CDIP1: variants seen among roughly 807,000 people sequenced by gnomAD.
CDIP1 encodes cell death inducing p53 target 1.
Under a neutral mutation model 17.7 loss-of-function variants are expected in CDIP1, and 9 were observed. The observed-to-expected ratio is 0.51, with a 90% CI of 0.31 to 0.89. The LOEUF (loss-of-function observed/expected upper bound fraction) is 0.89, where lower values mean the gene tolerates loss of function less well. Ranked by LOEUF, CDIP1 falls within the 40% of genes least tolerant of loss-of-function variation. The pLI is 0.05. For synonymous variants in CDIP1, 117 were observed against 109.5 expected, an observed-to-expected ratio of 1.07 and a Z score of -0.43; for missense variants, 263 against 277.9, an observed-to-expected ratio of 0.95 and a Z score of 0.38.
At chr16:4,536,044 C>T (rs889590081) in intron 1 of CDIP1, among the ~76,000 whole-genome samples, 3 of 152,220 alleles carry the variant, frequency 2.0e-5, no homozygotes, top group African/African-American at 7.2e-5. Context: ...CCCCATGGAG[C>T]GCCAAGGTCC....
chr16:4,522,079 C>T (rs1204004230), intron 1 of CDIP1, among the ~76,000 whole-genome samples: 1 of 152,196 alleles, frequency 6.6e-6, no homozygotes, highest in Non-Finnish European at 1.5e-5. Context: ...AAGGGGATGC[C>T]TCTACCGGAT....
intron 1 of CDIP1, among the ~76,000 whole-genome samples, chr16:4,516,736 C>T (rs1364097317): frequency 2.9e-5 from 3 of 104,420 alleles, no homozygotes; most frequent in African/African-American, 1.1e-4. Flanking sequence ...GAGACAGAGT[C>T]TTGCTCTGTT....
chr16:4,512,674 C>G lies in CDIP1; in HGVS notation c.525G>C (p.Leu175=). 1 of 1,613,334 alleles carries G rather than the reference C, an allele frequency of 6.2e-7. No individual in the cohort carries two copies. Among genetic ancestry groups the G allele is most frequent in the Non-Finnish European group, 8.5e-7 (1 of 1,179,388 alleles). The change falls in exon 6 of 6, where the codon CTG becomes CTC. Residue 175 remains leucine, a synonymous_variant. Transcript: ENST00000567695. This position sits in a 1 kb window ranked among gnomAD's most constrained non-coding sequence, Gnocchi z 4.6. The part of the protein sequence containing the change: ...GFFCCFMGCD[L]GCCLIPCLIN... ...TGAGGCAGGGGATCAGGCAGCAGCC[C>G]AGATCACATCTGAATCAGAGACAGG...
chr16:4,530,097 C>A (rs186040200), intron 1 of CDIP1, among the ~76,000 whole-genome samples: 1 of 152,186 alleles, frequency 6.6e-6, no homozygotes, highest in Non-Finnish European at 1.5e-5. Context: ...CTCATCCCTG[C>A]GACATTTAGA....
intron 1 of CDIP1, among the ~76,000 whole-genome samples, chr16:4,527,148 C>T (rs1409588766): frequency 1.3e-5 from 2 of 150,570 alleles, no homozygotes; most frequent in Non-Finnish European, 3.0e-5. Context: ...AGTGCAGTGG[C>T]GGGATCTTGG....
At chr16:4,537,915 G>T (rs1440988337) in intron 1 of CDIP1, among the ~76,000 whole-genome samples, 3 of 152,210 alleles carry the variant, frequency 2.0e-5, no homozygotes, top group Admixed American at 2.0e-4. Context: ...GGGGATGCGC[G>T]GCCGAGCGCC....
At chr16:4,516,770 C>T (rs1458316880) in intron 1 of CDIP1, among the ~76,000 whole-genome samples, 3 of 138,856 alleles carry the variant, frequency 2.2e-5, no homozygotes, top group African/African-American at 8.2e-5. Flanking sequence ...TGCAGTGGCG[C>T]GATCCTGGCT....
chr16:4,537,334 T>C (rs915382841), intron 1 of CDIP1, among the ~76,000 whole-genome samples: 1 of 152,152 alleles, frequency 6.6e-6, no homozygotes, highest in African/African-American at 2.4e-5. Flanking sequence ...CGTAACTGAA[T>C]GTGTAGAGGG....
intron 1 of CDIP1, among the ~76,000 whole-genome samples, chr16:4,525,679 G>A (rs1006650266): frequency 6.6e-6 from 1 of 152,228 alleles, no homozygotes; most frequent in African/African-American, 2.4e-5. Flanking sequence ...GCTGGGTGAT[G>A]AGCAGGAAAG....
At chr16:4,527,961 C>T (rs1163117994) in intron 1 of CDIP1, among the ~76,000 whole-genome samples, 1 of 151,938 alleles carries the variant, frequency 6.6e-6, no homozygotes, top group East Asian at 1.9e-4. Flanking sequence ...GGATTACACG[C>T]ACCCGCCACT....
At chr16:4,537,930 C>T (rs2059126215) in intron 1 of CDIP1, among the ~76,000 whole-genome samples, 1 of 152,244 alleles carries the variant, frequency 6.6e-6, no homozygotes, top group South Asian at 2.1e-4. Context: ...AGCGCCACAT[C>T]CCGACTCCAC....
chr16:4,536,172 G>A (rs2141664558), intron 1 of CDIP1, among the ~76,000 whole-genome samples: 1 of 152,300 alleles, frequency 6.6e-6, no homozygotes, highest in African/African-American at 2.4e-5. Flanking sequence ...TCTTCTATGA[G>A]TAAAAACATG....
chr16:4,513,134 G>A lies in CDIP1; in HGVS notation c.242-70C>T, dbSNP rs1364006797. 5.6e-6 allele frequency: 8 copies of A among 1,429,510 alleles called. No homozygotes were observed. Among genetic ancestry groups the A allele is most frequent in the South Asian group, 4.2e-5 (3 of 71,938 alleles). The allele number at this position is 1,429,510 out of a possible 1,614,324, so 88.6% of individuals were successfully genotyped here. A position where few individuals can be genotyped will look rare whatever the true frequency, so the allele number is the denominator to read the frequency against. On this transcript the variant is annotated intron_variant, in intron 4 of 5. Transcript: ENST00000567695. This position sits in a 1 kb window ranked among gnomAD's most constrained non-coding sequence, Gnocchi z 4.1. ...ACCTGCACCAGACAAAGAGATTGGCGCAAAGCCCCACGGTCCACAGCGCCC... is the reference window on the plus strand; with the variant it reads ...ACCTGCACCAGACAAAGAGATTGGCACAAAGCCCCACGGTCCACAGCGCCC...
At chr16:4,532,295 G>T (rs576243379) in intron 1 of CDIP1, 1 of 152,410 alleles carries the variant, frequency 6.6e-6, no homozygotes, top group East Asian at 1.9e-4. Context: ...AGGCACTGAA[G>T]ATGGCAGATC....
intron 1 of CDIP1, among the ~76,000 whole-genome samples, chr16:4,530,038 C>T (rs573244796): frequency 6.6e-6 from 1 of 152,246 alleles, no homozygotes; most frequent in Non-Finnish European, 1.5e-5. Context: ...TACCTGTACA[C>T]AGAAGCTCCC....
At chr16:4,534,401 A>G (rs1184972305) in intron 1 of CDIP1, among the ~76,000 whole-genome samples, 1 of 152,110 alleles carries the variant, frequency 6.6e-6, no homozygotes, top group African/African-American at 2.4e-5. Context: ...ATTCCAGTCA[A>G]CTCCGTGATG....
Position 4,513,900 on chromosome 16 carries a change from G to C in CDIP1, c.86-49C>G. 1 of 1,504,796 alleles carries C rather than the reference G, an allele frequency of 6.6e-7. No individual in the cohort carries two copies. The highest frequency in any genetic ancestry group is 8.9e-7 in the Non-Finnish European group (1 of 1,121,988). 93.2% of individuals were successfully genotyped at this position (1,504,796 alleles called of 1,614,324 possible). A position where few individuals can be genotyped will look rare whatever the true frequency, so the allele number is the denominator to read the frequency against. ...GGAGACTGAGCTGGAGCCTCTGCAC[G>C]ATGAGCTCGACCAGAGGCCACTGTT... is the stretch of plus-strand genomic sequence containing the variant. On this transcript the variant is annotated intron_variant, in intron 3 of 5. Coordinates refer to ENST00000567695, the MANE Select transcript of CDIP1 (RefSeq NM_013399.3). The surrounding 1 kb of genome is among the most constrained non-coding windows in gnomAD (Gnocchi z 4.1).
chr16:4,516,505 C>T (rs1349640016), intron 1 of CDIP1, among the ~76,000 whole-genome samples: 1 of 152,090 alleles, frequency 6.6e-6, no homozygotes, highest in African/African-American at 2.4e-5. Flanking sequence ...TCTGTATGCA[C>T]AGGCACCTGT....
chr16:4,528,908 G>A (rs2059027681), intron 1 of CDIP1, among the ~76,000 whole-genome samples: 4 of 152,068 alleles, frequency 2.6e-5, no homozygotes, highest in Non-Finnish European at 5.9e-5. Flanking sequence ...AGAATTACTT[G>A]AACCCAGGAG....
Sources: allele counts gnomAD v4.1 joint callset (sites outside exome capture counted in the v4.1 genomes callset), GRCh38; gene constraint gnomAD v4.1.1; non-coding constraint Gnocchi (gnomAD v3.1); transcripts MANE v1.5; gene names NCBI Gene and HGNC (gene_info 2026-07-23, HGNC 2026-07-21).